Variants in ITGB7 observed in about 807,000 individuals in gnomAD.
ITGB7 encodes integrin beta-7.
In ITGB7, 55 loss-of-function variants were observed where a neutral mutation model predicts 83.4. The observed-to-expected ratio is 0.66, with a 90% CI of 0.53 to 0.83. The LOEUF is 0.83. Ranked by LOEUF, ITGB7 falls within the 40% of genes least tolerant of loss-of-function variation. ITGB7 has a pLI of 0.00. For missense variants in ITGB7, 921 were observed against 1,046.7 expected (o/e 0.88, Z 1.66); for synonymous variants, 454 against 423.6 (o/e 1.07, Z -0.88).
intron 5 of ITGB7, 21 bp from the exon 6 acceptor site, chr12:53,196,841 AG>A (rs1942178704): frequency 2.5e-6 from 4 of 1,579,858 alleles, no homozygotes; most frequent in Non-Finnish European, 3.5e-6. Context: ...AGAGGAATGA[AG>A]GTTGTGCCAG....
rs1314692385 is a variant in ITGB7 at position 53,195,805 on chromosome 12, A to G, written c.976-84T>C. On this transcript the variant is annotated intron_variant, in intron 7 of 15. Coordinates refer to ENST00000267082, the MANE Select transcript of ITGB7 (RefSeq NM_000889.3). ...TGCCCTCAGCCCAGGGAATCCAGGA[A>G]CCAAGGTTCCACCAGCTGGAGGAGC... 14 of 1,247,838 alleles carry G rather than the reference A, an allele frequency of 1.1e-5. No homozygotes were observed. In the South Asian group the frequency reaches 1.6e-4, roughly 14 times the overall value. 77.3% of individuals were successfully genotyped at this position (1,247,838 alleles called of 1,614,324 possible).
chr12:53,197,100 C>T (rs1942190719), intron 5 of ITGB7: 1 of 555,672 alleles, frequency 1.8e-6, no homozygotes, highest in African/African-American at 1.9e-5. Flanking sequence ...CAGCATGAGG[C>T]AAAGGAAGGA....
intron 11 of ITGB7, 80 bp downstream of exon 11, chr12:53,193,628 T>C: frequency 8.0e-7 from 1 of 1,252,860 alleles, no homozygotes; most frequent in Non-Finnish European, 1.1e-6. Flanking sequence ...GTGGGGGGGA[T>C]GGAAAGCAGC....
At chr12:53,198,066 C>A in intron 3 of ITGB7, 115 bp from the exon 4 acceptor site, 2 of 697,264 alleles carry the variant, frequency 2.9e-6, no homozygotes, top group South Asian at 1.9e-5. Context: ...CAGTCCACTC[C>A]TTGAGTCCCT....
chr12:53,196,594 C>T lies in ITGB7; in HGVS notation c.801G>A (p.Gln267=). 6.2e-7 allele frequency: 1 copy of T among 1,613,250 alleles called. No homozygotes were observed. The highest frequency in any genetic ancestry group is 1.3e-5 in the African/African-American group (1 of 75,046). The part of the protein sequence containing the change: ...SPEGGFDAIL[Q]AALCQEQIGW... ...ACCTCCTCACCTGGCAGAGTGCAGCCTGCAGAATGGCATCGAAGCCACCTT... is the reference window on the plus strand; with the variant it reads ...ACCTCCTCACCTGGCAGAGTGCAGCTTGCAGAATGGCATCGAAGCCACCTT... The change falls in exon 6 of 16, where the codon CAG becomes CAA. Residue 267 remains glutamine (Q), a synonymous_variant. Coordinates refer to ENST00000267082, the MANE Select transcript of ITGB7 (RefSeq NM_000889.3).
In ITGB7 at chr12:53,196,648, C is replaced by CT. The variant is rs1225290045; in HGVS notation, c.746dup (p.Ser250GlufsTer10). On this transcript the variant is annotated frameshift_variant, in exon 6 of 16. Transcript: ENST00000267082. LOFTEE classifies it high-confidence loss of function. ...GCGAGTCCAGATTGCCGGACACACT[C>CT]TGGCGCCCCACCTCCCGCTCGAAGG... The CT allele has an allele frequency of 6.2e-7, 1 of 1,612,220 alleles. No individual in the cohort carries two copies. Among genetic ancestry groups the CT allele is most frequent in the Non-Finnish European group, 8.5e-7 (1 of 1,179,160 alleles).
At chr12:53,204,355 G>A (rs946140202) in intron 1 of ITGB7, among the ~76,000 whole-genome samples, 3 of 151,290 alleles carry the variant, frequency 2.0e-5, no homozygotes, top group Non-Finnish European at 2.9e-5. Flanking sequence ...ATTCCAGCCT[G>A]GGCAACAAGA....
chr12:53,191,614 C>T lies in ITGB7; in HGVS notation c.2339G>A (p.Ser780Asn), dbSNP rs200024920. ...AGGATTGATGGTGGTCGTGATGGCA[C>T]TTTTGTAGAGAGGATTACTGTCCTG... The part of the protein sequence containing the change: ...WKQDSNPLYK[S>N]AITTTINPRF... Residue 780 changes from serine (S) to asparagine (N), a missense_variant, in exon 16 of 16, where the codon AGT becomes AAT. Coordinates refer to ENST00000267082, the MANE Select transcript of ITGB7 (RefSeq NM_000889.3). 5.0e-6 allele frequency: 8 copies of T among 1,613,708 alleles called. No homozygotes were observed. Among genetic ancestry groups the T allele is most frequent in the Admixed American group, 3.3e-5 (2 of 60,014 alleles).
At position 53,192,739 on chromosome 12, in the gene ITGB7, G is replaced by A. The variant is rs376379298; in HGVS notation, c.1898C>T (p.Ala633Val). 99 of 1,614,120 alleles carry A rather than the reference G, an allele frequency of 6.1e-5. No homozygotes were observed. The highest frequency in any genetic ancestry group is 8.3e-5 in the Admixed American group (5 of 60,010). The change falls in exon 13 of 16, where the codon GCT becomes GTT. Residue 633 changes from alanine to valine, a missense_variant. Ala to Val is a moderately conservative substitution (Grantham distance 64). Coordinates refer to ENST00000267082, the MANE Select transcript of ITGB7 (RefSeq NM_000889.3). ...RCQCLDGYYG[A>V]LCDQCPGCKT... ...GCAGCCTGGGCATTGGTCGCATAGAGCACCATAGTAGCCGTCCAAGCACTG... is the reference window on the plus strand; with the variant it reads ...GCAGCCTGGGCATTGGTCGCATAGAACACCATAGTAGCCGTCCAAGCACTG...
rs1238504324 is a variant in ITGB7 at position 53,196,829 on chromosome 12, G to T, written c.575-9C>A. Reference sequence around the variant, plus strand: ...CACAAAGGAACCAAAACCTGGGAGAGGAGAGGAATGAAGGTTGTGCCAGAA... The same window carrying T: ...CACAAAGGAACCAAAACCTGGGAGATGAGAGGAATGAAGGTTGTGCCAGAA... On this transcript the variant is annotated splice_polypyrimidine_tract_variant and intron_variant, in intron 5 of 15. Transcript: ENST00000267082. 2 of 1,588,620 alleles carry T rather than the reference G, an allele frequency of 1.3e-6. No individual in the cohort carries two copies. The highest frequency in any genetic ancestry group is 2.7e-5 in the African/African-American group (2 of 74,502).
chr12:53,199,280 CA>C (rs1942264900), intron 3 of ITGB7, among the ~76,000 whole-genome samples: 1 of 152,124 alleles, frequency 6.6e-6, no homozygotes, highest in East Asian at 1.9e-4. Context: ...CATAAACAAA[CA>C]ACAGCTTTGT....
At chr12:53,191,776 G>C (rs757663540) in intron 15 of ITGB7, 83 bp downstream of exon 15, 2 of 1,579,744 alleles carry the variant, frequency 1.3e-6, no homozygotes, top group Non-Finnish European at 1.7e-6. Flanking sequence ...GCCAGGGGCT[G>C]GGGGAACCCA....
chr12:53,195,667 G>A lies in ITGB7; in HGVS notation c.1030C>T (p.Pro344Ser). The A allele has an allele frequency of 1.2e-6, 2 of 1,614,114 alleles. No homozygotes were observed. The highest frequency in any genetic ancestry group is 1.7e-6 in the Non-Finnish European group (2 of 1,179,992). ...AQALSAANIQPIFAVTSAALP... is the reference protein window; with the variant it reads ...AQALSAANIQSIFAVTSAALP... ...GCGGCACTGGTGACAGCAAAGATGG[G>A]CTGGATATTTGCTGCAGAGAGGGCC... Residue 344 changes from proline (P) to serine (S), a missense_variant, in exon 8 of 16, where the codon CCC becomes TCC. Physicochemically the swap from Pro to Ser is moderately conservative, Grantham distance 74. Transcript: ENST00000267082.
rs551837556 is a variant in ITGB7 at position 53,193,130 on chromosome 12, C to G, written c.1726+10G>C. 11 of 1,598,890 alleles carry G rather than the reference C, an allele frequency of 6.9e-6. No homozygotes were observed. The highest frequency in any genetic ancestry group is 8.6e-6 in the Non-Finnish European group (10 of 1,168,698). On this transcript the variant is annotated intron_variant, in intron 12 of 15. Coordinates refer to ENST00000267082, the MANE Select transcript of ITGB7 (RefSeq NM_000889.3). ...TCAGACCCCGCCCTTCTCCCCAAGG[C>G]TCCAGGTACCTCCGCAGAGGATGCC... is the stretch of plus-strand genomic sequence containing the variant.
intron 1 of ITGB7, among the ~76,000 whole-genome samples, chr12:53,202,544 A>T (rs1014815577): frequency 1.3e-5 from 2 of 151,586 alleles, no homozygotes; most frequent in Non-Finnish European, 2.9e-5. Flanking sequence ...TAGTAGAGAG[A>T]GGGTTTGACC....
At chr12:53,201,568 A>G (rs1197414066) in intron 1 of ITGB7, among the ~76,000 whole-genome samples, 5 of 152,154 alleles carry the variant, frequency 3.3e-5, no homozygotes, top group East Asian at 1.9e-4. Flanking sequence ...TTAAAAAAAC[A>G]TATTAATTTT....
chr12:53,193,153 G>A lies in ITGB7; in HGVS notation c.1713C>T (p.Gly571=), dbSNP rs370319146. 1 of 1,610,670 alleles carries A rather than the reference G, an allele frequency of 6.2e-7. No homozygotes were observed. Among genetic ancestry groups the A allele is most frequent in the Non-Finnish European group, 8.5e-7 (1 of 1,177,380 alleles). Residue 571 remains glycine, a synonymous_variant, in exon 12 of 16, where the codon GGC becomes GGT. Transcript: ENST00000267082. ...GGCTCCAGGTACCTCCGCAGAGGAT[G>A]CCCTCATGTCGCTCACAGCTGGCAT... The part of the protein sequence containing the change: ...CDDASCERHE[G]ILCGGFGRCQ...
In ITGB7 at chr12:53,192,848, C is replaced by T. The variant is rs202075038; in HGVS notation, c.1789G>A (p.Glu597Lys). ...CHANRTGRACECSGDMDSCIS... is the reference protein window; with the variant it reads ...CHANRTGRACKCSGDMDSCIS... ...CAACTGTCCATGTCCCCACTGCATT[C>T]GCATGCTCTGCCCGTGCGGTTGGCA... The change falls in exon 13 of 16, where the codon GAA (glutamate) becomes AAA (lysine). Residue 597 changes from glutamate (E) to lysine (K), a missense_variant. By Grantham distance (56) the Glu-to-Lys change is moderately conservative. Transcript: ENST00000267082. 14 of 1,614,216 alleles carry T rather than the reference C, an allele frequency of 8.7e-6. No individual in the cohort carries two copies. The highest frequency in any genetic ancestry group is 1.6e-4 in the Middle Eastern group (1 of 6,062).
At chr12:53,198,073 C>T (rs935844504) in intron 3 of ITGB7, 122 bp from the exon 4 acceptor site, 1 of 650,706 alleles carries the variant, frequency 1.5e-6, no homozygotes, top group Non-Finnish European at 2.5e-6. Context: ...CTCCTTGAGT[C>T]CCTGATTCCC....
Sources: gnomAD v4.1 joint callset for allele counts (sites outside exome capture counted in the v4.1 genomes callset) on GRCh38, gnomAD v4.1.1 for gene constraint, MANE v1.5 for transcripts, NCBI Gene and HGNC (gene_info 2026-07-23, HGNC 2026-07-21) for gene names.